The following BICD1 variants were observed in gnomAD, a reference collection of about 807,000 sequenced individuals.
The protein encoded by BICD1 is BICD cargo adaptor 1.
BICD1 carries 35 observed loss-of-function variants against 92.5 expected under a neutral mutation model. The observed-to-expected ratio is 0.38, with a 90% CI of 0.29 to 0.50. The LOEUF is 0.50. BICD1 is among the 20% of genes least tolerant of loss of function. The pLI is 0.93. For missense variants in BICD1, 950 were observed against 1,189.8 expected, an observed-to-expected ratio of 0.80 and a Z score of 2.97; for synonymous variants, 429 against 465.1, an observed-to-expected ratio of 0.92 and a Z score of 1.00.
At chr12:32,184,257 C>T (rs754145464) in intron 1 of BICD1, among the ~76,000 whole-genome samples, 16 of 152,146 alleles carry the variant, frequency 1.1e-4, no homozygotes, top group Admixed American at 2.0e-4. Flanking sequence ...AATAGTCAGG[C>T]ATTGACTGTA....
chr12:32,320,674 ACACT>A (rs1280490900), intron 4 of BICD1, among the ~76,000 whole-genome samples: 10 of 145,126 alleles, frequency 6.9e-5, no homozygotes. Context: ...TAAAAGGTAA[ACACT>A]CAGTGAAATA....
At chr12:32,249,183 TA>T (rs1946466189) in intron 2 of BICD1, among the ~76,000 whole-genome samples, 1 of 151,922 alleles carries the variant, frequency 6.6e-6, no homozygotes, top group Non-Finnish European at 1.5e-5. Flanking sequence ...GTGGGTAGGG[TA>T]GAGTATAGCA....
Position 32,313,376 on chromosome 12 carries a change from C to T in BICD1, c.1005+7254C>T, listed in dbSNP as rs548530062. Reference sequence around the variant, plus strand: ...TTTTATATATTTGCTTAATTGGTTGCTGCTTATAACAACTGTATGGGGTAG... The same window carrying T: ...TTTTATATATTTGCTTAATTGGTTGTTGCTTATAACAACTGTATGGGGTAG... On this transcript the variant is annotated intron_variant, in intron 4 of 9. Coordinates refer to ENST00000652176, the MANE Select transcript of BICD1 (RefSeq NM_001714.4). The surrounding 1 kb of genome is among the most constrained non-coding windows in gnomAD (Gnocchi z 4.2). 3.0e-4 allele frequency among the ~76,000 whole-genome samples: 46 copies of T among 152,140 alleles called. No individual in the cohort carries two copies. The highest frequency in any genetic ancestry group is 1.1e-3 in the African/African-American group (45 of 41,516).
rs555642703 is a variant in BICD1, at chr12:32,137,860, C to T, written c.213+30316C>T. Among the ~76,000 whole-genome samples the T allele has an allele frequency of 4.0e-3, 611 of 151,924 alleles. 7 individuals are homozygous for T. The highest frequency in any genetic ancestry group is 0.014 in the African/African-American group (581 of 41,444). Reference sequence around the variant, plus strand: ...TCTCCTAGGCTGGAGTGCAGTGGCGCGATCTCAGTTCACTGCAACCTCCGC... The same window carrying T: ...TCTCCTAGGCTGGAGTGCAGTGGCGTGATCTCAGTTCACTGCAACCTCCGC... On this transcript the variant is annotated intron_variant, in intron 1 of 9. Transcript: ENST00000652176.
intron 3 of BICD1, among the ~76,000 whole-genome samples, chr12:32,300,132 C>G (rs1275684858): frequency 6.6e-6 from 1 of 151,544 alleles, no homozygotes; most frequent in South Asian, 2.1e-4. Context: ...GACAGAGGCT[C>G]GCTCTGTCGC....
At chr12:32,285,252 G>A (rs563033003) in intron 2 of BICD1, among the ~76,000 whole-genome samples, 1 of 152,160 alleles carries the variant, frequency 6.6e-6, no homozygotes, top group East Asian at 1.9e-4. Flanking sequence ...GTGAACTTCT[G>A]CTCGTGTTAC....
chr12:32,364,381 A>G (rs761389339), intron 8 of BICD1, among the ~76,000 whole-genome samples: 3 of 152,190 alleles, frequency 2.0e-5, no homozygotes, highest in Non-Finnish European at 4.4e-5. Context: ...GCAGCATCTC[A>G]GAGCTACAAG....
chr12:32,339,669 T>C, intron 8 of BICD1: 1 of 985,446 alleles, frequency 1.0e-6, no homozygotes, highest in Non-Finnish European at 1.2e-6. Flanking sequence ...GAGAAAATTA[T>C]TCTTGCAAAT....
intron 1 of BICD1, among the ~76,000 whole-genome samples, chr12:32,163,575 T>C (rs1172999554): frequency 1.3e-5 from 2 of 152,238 alleles, no homozygotes; most frequent in Admixed American, 6.5e-5. Context: ...GACTGTATTA[T>C]GAGCATGTTT....
rs192663436 is a variant in BICD1, at chr12:32,343,113, T to C, written c.2764+4134T>C. Among the ~76,000 whole-genome samples the C allele has an allele frequency of 3.1e-3, 469 of 152,298 alleles. 2 individuals are homozygous for C. The highest frequency in any genetic ancestry group is 5.7e-3 in the Non-Finnish European group (389 of 68,028). ...ACACAAATTCCAGTGTCCTTCCACA[T>C]GCTCATCTTAGTTTTCACAGTTTCA... On this transcript the variant is annotated intron_variant, in intron 8 of 9. Transcript: ENST00000652176.
chr12:32,159,598 G>A (rs1307486421), intron 1 of BICD1, among the ~76,000 whole-genome samples: 1 of 152,132 alleles, frequency 6.6e-6, no homozygotes, highest in Non-Finnish European at 1.5e-5. Context: ...ACGTTCTGGC[G>A]AGAAATGTGC....
chr12:32,265,263 A>G (rs1029952142), intron 2 of BICD1, among the ~76,000 whole-genome samples: 2 of 152,154 alleles, frequency 1.3e-5, no homozygotes, highest in Non-Finnish European at 2.9e-5. Flanking sequence ...TACTTCGTTC[A>G]GTTCTCTAAT....
rs202126519 is a variant in BICD1 at position 32,305,795 on chromosome 12, T to G, written c.678T>G (p.Ile226Met). 3.2e-5 allele frequency: 51 copies of G among 1,614,080 alleles called. No homozygotes were observed. The Middle Eastern group carries it at 6.6e-4, about 21-fold the overall frequency. Reference sequence around the variant, plus strand: ...AAGATGCCATCCGATTGAAAGAGATTGCTGAGCACCAACTGGAAGAAGCCC... The same window carrying G: ...AAGATGCCATCCGATTGAAAGAGATGGCTGAGCACCAACTGGAAGAAGCCC... ...QLEDAIRLKE[I>M]AEHQLEEALE... Residue 226 changes from isoleucine (I) to methionine (M), a missense_variant, in exon 4 of 10, where the codon ATT becomes ATG. Ile to Met is a conservative substitution (Grantham distance 10). This residue lies in a region of BICD1 where 246 missense variants were observed against 258.4 expected (regional missense o/e 0.95). Transcript: ENST00000652176.
intron 2 of BICD1, among the ~76,000 whole-genome samples, chr12:32,220,332 G>A (rs556889287): frequency 6.3e-4 from 96 of 152,174 alleles, no homozygotes; most frequent in African/African-American, 2.0e-3. Context: ...GAAAATTTTC[G>A]CAACCTACTC....
intron 1 of BICD1, among the ~76,000 whole-genome samples, chr12:32,148,599 T>C (rs1943187617): frequency 6.6e-6 from 1 of 152,192 alleles, no homozygotes; most frequent in South Asian, 2.1e-4. Context: ...TTCACCAAGT[T>C]ATGCTCCCTT....
intron 2 of BICD1, among the ~76,000 whole-genome samples, chr12:32,285,412 A>C (rs1399000429): frequency 6.6e-6 from 1 of 152,126 alleles, no homozygotes; most frequent in East Asian, 1.9e-4. Context: ...AGCTATTATT[A>C]ATATCTAATG....
At chr12:32,163,650 T>A (rs1028678459) in intron 1 of BICD1, among the ~76,000 whole-genome samples, 1 of 152,150 alleles carries the variant, frequency 6.6e-6, no homozygotes, top group East Asian at 1.9e-4. Context: ...ATATGAAATA[T>A]AAAAATATAA....
chr12:32,144,819 AC>A (rs1406157780), intron 1 of BICD1, among the ~76,000 whole-genome samples: 4 of 152,164 alleles, frequency 2.6e-5, no homozygotes, highest in Non-Finnish European at 4.4e-5. Flanking sequence ...CTTTTCTGAT[AC>A]CCCCACTGGA....
chr12:32,211,845 G>A (rs1424207931), intron 1 of BICD1, among the ~76,000 whole-genome samples: 1 of 152,156 alleles, frequency 6.6e-6, no homozygotes, highest in Non-Finnish European at 1.5e-5. Flanking sequence ...GTGGGGAGAG[G>A]GAGAGAGGCT....
Sources: gnomAD v4.1 joint callset for allele counts (sites outside exome capture counted in the v4.1 genomes callset) on GRCh38, gnomAD v4.1.1 for gene constraint, gnomAD v4.1.1 regional missense constraint, Gnocchi (gnomAD v3.1) non-coding constraint, MANE v1.5 for transcripts, NCBI Gene and HGNC (gene_info 2026-07-23, HGNC 2026-07-21) for gene names.